CALD1: variants seen among roughly 807,000 people sequenced by gnomAD.
CALD1 encodes the protein caldesmon.
CALD1 carries 33 observed loss-of-function variants against 99.9 expected under a neutral mutation model. That is an observed-to-expected ratio of 0.33 (90% CI 0.25 to 0.44). The LOEUF (loss-of-function observed/expected upper bound fraction) is 0.44. CALD1 is among the 20% of genes least tolerant of loss of function. The pLI, the probability that CALD1 is intolerant of heterozygous loss-of-function variation, is 1.00. For missense variants in CALD1, 861 were observed against 962.1 expected, an observed-to-expected ratio of 0.89 and a Z score of 1.39; for synonymous variants, 310 against 325.0, an observed-to-expected ratio of 0.95 and a Z score of 0.50.
the CALD1 span, among the ~76,000 whole-genome samples, chr7:134,717,605 G>A: frequency 3.9e-5 from 6 of 152,240 alleles, no homozygotes; most frequent in Non-Finnish European, 8.8e-5. Context: ...TGGCTGCTCA[G>A]ACTGGAGCAT....
At chr7:134,775,850 T>C (rs1796914816), upstream of CALD1, among the ~76,000 whole-genome samples, 1 of 152,214 alleles carries the variant, frequency 6.6e-6, no homozygotes, top group South Asian at 2.1e-4. Flanking sequence ...TTAACTCAAG[T>C]TTTATAACTT....
At chr7:134,813,477 A>G (rs922685129) in intron 1 of CALD1, among the ~76,000 whole-genome samples, 4 of 152,190 alleles carry the variant, frequency 2.6e-5, no homozygotes, top group Admixed American at 2.6e-4. Context: ...CCTAGAGCTA[A>G]GTAGGGTTGA....
intron 3 of CALD1, among the ~76,000 whole-genome samples, chr7:134,909,376 C>T (rs1803627778): frequency 6.6e-6 from 1 of 152,178 alleles, no homozygotes; most frequent in Non-Finnish European, 1.5e-5. Context: ...AGGAAGAAGG[C>T]CATTTAGAAA....
At chr7:134,814,210 C>G (rs562945692) in intron 1 of CALD1, among the ~76,000 whole-genome samples, 5 of 151,992 alleles carry the variant, frequency 3.3e-5, no homozygotes, top group Non-Finnish European at 1.5e-5. Flanking sequence ...TGGAAGCTGT[C>G]GGAAGAGCTA....
chr7:134,961,642 C>T (rs1258755987), intron 13 of CALD1: 2 of 152,104 alleles, frequency 1.3e-5, no homozygotes. Flanking sequence ...ATCTACACCC[C>T]GAGATTCTTT....
At chr7:134,801,639 A>C (rs1335097155) in intron 1 of CALD1, among the ~76,000 whole-genome samples, 1 of 151,812 alleles carries the variant, frequency 6.6e-6, no homozygotes, top group Non-Finnish European at 1.5e-5. Flanking sequence ...CTCTTTTTTG[A>C]AACAGGGTCT....
chr7:134,792,984 C>T (rs1797602089), intron 1 of CALD1, among the ~76,000 whole-genome samples: 1 of 152,230 alleles, frequency 6.6e-6, no homozygotes, highest in Admixed American at 6.5e-5. Flanking sequence ...AAGAGGTTTT[C>T]GAAATGACGC....
intron 1 of CALD1, among the ~76,000 whole-genome samples, chr7:134,811,720 C>T (rs556382115): frequency 6.6e-6 from 1 of 152,088 alleles, no homozygotes; most frequent in African/African-American, 2.4e-5. Flanking sequence ...GTTTCCTAAA[C>T]AAATTATTGT....
intron 9 of CALD1, among the ~76,000 whole-genome samples, chr7:134,957,736 A>T (rs2133222336): frequency 6.6e-6 from 1 of 152,254 alleles, no homozygotes; most frequent in East Asian, 1.9e-4. Context: ...TGTTAGTCTT[A>T]AACTTTAATT....
At chr7:134,956,621 G>A (rs1055368294) in intron 9 of CALD1, among the ~76,000 whole-genome samples, 5 of 152,152 alleles carry the variant, frequency 3.3e-5, no homozygotes, top group South Asian at 2.1e-4. Flanking sequence ...TGTGAGAAAT[G>A]TTTGTTGTTT....
intron 3 of CALD1, chr7:134,891,688 C>T (rs757352524): frequency 1.7e-5 from 26 of 1,550,776 alleles, no homozygotes; most frequent in Non-Finnish European, 2.1e-5. Flanking sequence ...GTCCTCATTT[C>T]GTCTCTTTGG....
At chr7:134,824,785 G>T (rs1309372789) in intron 1 of CALD1, among the ~76,000 whole-genome samples, 2 of 151,890 alleles carry the variant, frequency 1.3e-5, no homozygotes, top group African/African-American at 4.8e-5. Context: ...ATTTTCTATT[G>T]TGATGATAAC....
intron 3 of CALD1, among the ~76,000 whole-genome samples, chr7:134,904,339 G>A (rs1803214503): frequency 1.3e-5 from 2 of 151,920 alleles, no homozygotes; most frequent in African/African-American, 2.4e-5. Context: ...CCAACACTTT[G>A]AGAGGTCGAG....
chr7:134,762,053 AT>A lies in CALD1; in HGVS notation c.-130+17692del, dbSNP rs755387970. Among the ~76,000 whole-genome samples the A allele has an allele frequency of 6.6e-4, 100 of 152,296 alleles. No individual in the cohort carries two copies. In the Middle Eastern group the frequency reaches 0.01, roughly 16 times the overall value. ...TACTGGACGAAAGAGCACTTTTCCTATTGGCTGGAGCCTTGGCCTCCAAATG... is the reference window on the plus strand; with the variant it reads ...TACTGGACGAAAGAGCACTTTTCCTATGGCTGGAGCCTTGGCCTCCAAATG... On this transcript the variant is annotated intron_variant, in intron 1 of 13. Coordinates refer to the CALD1 transcript ENST00000417172.
At chr7:134,936,530 A>T (rs1351128287) in intron 6 of CALD1, among the ~76,000 whole-genome samples, 3 of 152,238 alleles carry the variant, frequency 2.0e-5, no homozygotes, top group Non-Finnish European at 4.4e-5. Context: ...AATTATTTGA[A>T]GTAGGAAGAC....
rs1808882941 is a variant in CALD1, at chr7:134,969,160, TCA to T, written c.*819_*820del. The T allele has an allele frequency of 6.5e-6, 1 of 152,684 alleles. No homozygotes were observed. The highest frequency in any genetic ancestry group is 2.1e-4 in the South Asian group (1 of 4,842). The allele number at this position is 152,684 out of a possible 1,614,324, so 9.5% of individuals were successfully genotyped here. On this transcript the variant is annotated 3_prime_UTR_variant, in exon 15 of 15. Transcript: ENST00000361675. ...TCACAGCTTTTGAAAAATTAAAAAA[TCA>T]CACTATATTAATATTTTATATTTGC...
At chr7:134,713,328 A>C in the CALD1 span, among the ~76,000 whole-genome samples, 2 of 152,172 alleles carry the variant, frequency 1.3e-5, no homozygotes, top group Non-Finnish European at 2.9e-5. Context: ...GTGGAAAATA[A>C]CCATAGTAAA....
At position 134,958,201 on chromosome 7, in the gene CALD1, T is replaced by C; in HGVS notation, c.1980-8T>C. ...CATATTTTTATATGTATGTGTTTAC[T>C]TTTTTAGCAGTGGTGTCAAATCGAC... On this transcript the variant is annotated splice_region_variant and splice_polypyrimidine_tract_variant and intron_variant, in intron 10 of 14. Transcript: ENST00000361675. 6.2e-7 allele frequency: 1 copy of C among 1,613,668 alleles called. No individual in the cohort carries two copies. Among genetic ancestry groups the C allele is most frequent in the East Asian group, 2.2e-5 (1 of 44,874 alleles).
At chr7:134,960,400 T>C (rs771903872) in intron 12 of CALD1, 133 bp from the exon 13 acceptor site, 101 of 683,698 alleles carry the variant, frequency 1.5e-4, no homozygotes, top group Non-Finnish European at 2.4e-4. Flanking sequence ...TAACATATTC[T>C]GTAAATATCA....
Sources: allele counts gnomAD v4.1 joint callset (sites outside exome capture counted in the v4.1 genomes callset), GRCh38; gene constraint gnomAD v4.1.1; transcripts MANE v1.5; gene names NCBI Gene and HGNC (gene_info 2026-07-23, HGNC 2026-07-21).